The following SHROOM3 variants were observed in gnomAD, a reference collection of about 807,000 sequenced individuals.
The protein encoded by SHROOM3 is shroom family member 3.
Under a neutral mutation model 138.6 loss-of-function variants are expected in SHROOM3, and 47 were observed. That is an observed-to-expected ratio of 0.34 (90% CI 0.27 to 0.43). SHROOM3 has a LOEUF of 0.43. Among genes scored for constraint, SHROOM3 ranks in the 20% least tolerant of loss-of-function variants. The pLI is 1.00. For synonymous variants in SHROOM3, 1,062 were observed against 1,063.3 expected, an observed-to-expected ratio of 1.00 and a Z score of 0.02; for missense variants, 2,491 against 2,596.5, an observed-to-expected ratio of 0.96 and a Z score of 0.88.
chr4:76,650,047 T>C (rs1256830252), intron 2 of SHROOM3, among the ~76,000 whole-genome samples: 1 of 152,154 alleles, frequency 6.6e-6, no homozygotes, highest in Non-Finnish European at 1.5e-5. Context: ...TTTTCCTAGG[T>C]GGATGTGCTT....
chr4:76,440,658 T>C (rs573637222), intron 1 of SHROOM3, among the ~76,000 whole-genome samples: 38 of 152,276 alleles, frequency 2.5e-4, no homozygotes, highest in Non-Finnish European at 4.4e-4. Flanking sequence ...AGGCATTTCT[T>C]TGTGCTTTTC....
intron 1 of SHROOM3, among the ~76,000 whole-genome samples, chr4:76,530,126 A>G (rs1180665715): frequency 6.6e-6 from 1 of 152,190 alleles, no homozygotes; most frequent in East Asian, 1.9e-4. Flanking sequence ...TCTCATTTTT[A>G]ACATTGAAAA....
At chr4:76,533,346 C>T (rs1161715026) in intron 1 of SHROOM3, among the ~76,000 whole-genome samples, 1 of 152,144 alleles carries the variant, frequency 6.6e-6, no homozygotes, top group Non-Finnish European at 1.5e-5. Flanking sequence ...GCAAGACTAT[C>T]TGTAAAAGGA....
intron 2 of SHROOM3, among the ~76,000 whole-genome samples, chr4:76,586,712 C>T (rs1198010111): frequency 6.6e-6 from 1 of 152,110 alleles, no homozygotes; most frequent in Non-Finnish European, 1.5e-5. Flanking sequence ...TCTCAGGCAA[C>T]GGGCACTTTT....
In SHROOM3 at chr4:76,740,478, C is replaced by T. The variant is rs1721210507; in HGVS notation, c.2305C>T (p.Leu769Phe). Residue 769 changes from leucine (L) to phenylalanine (F), a missense_variant, in exon 5 of 11, where the codon CTT becomes TTT. Physicochemically the swap from Leu to Phe is conservative, Grantham distance 22. This residue lies in a region of SHROOM3 where 1,733 missense variants were observed against 1,661.6 expected (regional missense o/e 1.04). Coordinates refer to ENST00000296043, the MANE Select transcript of SHROOM3 (RefSeq NM_020859.4). The surrounding 1 kb of genome is among the most constrained non-coding windows in gnomAD (Gnocchi z 4.0). ...GCCCGGCCCAGGCAGCGCCTCGGCT[C>T]TTCAGGGCTTTCAGTACGGGAAGCC... The part of the protein sequence containing the change: ...RGPGPGSASA[L>F]QGFQYGKPHC... 3 of 1,612,752 alleles carry T rather than the reference C, an allele frequency of 1.9e-6. No individual in the cohort carries two copies.
At chr4:76,629,229 A>T (rs1735239654) in intron 2 of SHROOM3, among the ~76,000 whole-genome samples, 1 of 152,178 alleles carries the variant, frequency 6.6e-6, no homozygotes, top group South Asian at 2.1e-4. Context: ...AGCTATGGTG[A>T]CACCTAGTAA....
intron 1 of SHROOM3, among the ~76,000 whole-genome samples, chr4:76,451,538 G>A (rs1484060899): frequency 6.6e-6 from 1 of 152,148 alleles, no homozygotes; most frequent in Non-Finnish European, 1.5e-5. Context: ...GATGATGTGC[G>A]CTAGTGCCCT....
At chr4:76,643,354 T>C (rs1735730011) in intron 2 of SHROOM3, among the ~76,000 whole-genome samples, 1 of 152,154 alleles carries the variant, frequency 6.6e-6, no homozygotes, top group Non-Finnish European at 1.5e-5. Context: ...TGGCCCCACT[T>C]GACAGATAAA....
Position 76,741,669 on chromosome 4 carries a change from G to C in SHROOM3, c.3496G>C (p.Ala1166Pro). 7 of 1,550,232 alleles carry C rather than the reference G, an allele frequency of 4.5e-6. No homozygotes were observed. The highest frequency in any genetic ancestry group is 6.1e-6 in the Non-Finnish European group (7 of 1,151,294). The change falls in exon 5 of 11, where the codon GCT becomes CCT. Residue 1166 changes from alanine to proline, a missense_variant. Coordinates refer to ENST00000296043, the MANE Select transcript of SHROOM3 (RefSeq NM_020859.4). The surrounding 1 kb of genome is among the most constrained non-coding windows in gnomAD (Gnocchi z 6.2). ...LPATVAETQQ[A>P]PRDRSSSFAG... ...GGCCACAGTTGCAGAAACCCAGCAG[G>C]CTCCCCGAGATCGCAGCAGCTCCTT...
chr4:76,540,935 C>G (rs1212569229), intron 1 of SHROOM3, among the ~76,000 whole-genome samples: 1 of 152,124 alleles, frequency 6.6e-6, no homozygotes, highest in Non-Finnish European at 1.5e-5. Flanking sequence ...AACTATTGCC[C>G]TGTGAGCCCT....
At chr4:76,484,008 G>A (rs372375513) in intron 1 of SHROOM3, among the ~76,000 whole-genome samples, 133 of 152,102 alleles carry the variant, frequency 8.7e-4, no homozygotes, top group African/African-American at 2.9e-3. Flanking sequence ...GGGGGGCTAG[G>A]GGAGGGATAG....
chr4:76,498,158 G>T (rs1732008647), intron 1 of SHROOM3, among the ~76,000 whole-genome samples: 1 of 152,230 alleles, frequency 6.6e-6, no homozygotes, highest in African/African-American at 2.4e-5. Context: ...TATATGATCA[G>T]AGATAGGCTG....
rs191638826 is a variant in SHROOM3 at position 76,739,180 on chromosome 4, G to A, written c.1007G>A (p.Arg336Gln). Reference sequence around the variant, plus strand: ...CTGCTGCTTCAAGGTAGGGAGGCCCGAGCCTCAGCAAATGGTCAGGGCTAT... The same window carrying A: ...CTGCTGCTTCAAGGTAGGGAGGCCCAAGCCTCAGCAAATGGTCAGGGCTAT... The part of the protein sequence containing the change: ...SALLLQGREA[R>Q]ASANGQGYDK... The change falls in exon 5 of 11, where the codon CGA becomes CAA. Residue 336 changes from arginine (R) to glutamine (Q), a missense_variant. Coordinates refer to ENST00000296043, the MANE Select transcript of SHROOM3 (RefSeq NM_020859.4). The A allele has an allele frequency of 1.5e-5, 24 of 1,614,002 alleles. 2 individuals carry two copies. In the South Asian group the frequency reaches 1.9e-4, roughly 13 times the overall value.
At chr4:76,471,151 T>A (rs1431772545) in intron 1 of SHROOM3, among the ~76,000 whole-genome samples, 2 of 152,150 alleles carry the variant, frequency 1.3e-5, no homozygotes. Context: ...TACCTCTGAG[T>A]TACCCTTTGT....
At chr4:76,618,966 G>C (rs971106536) in intron 2 of SHROOM3, among the ~76,000 whole-genome samples, 1 of 152,154 alleles carries the variant, frequency 6.6e-6, no homozygotes, top group African/African-American at 2.4e-5. Flanking sequence ...TACTGCCTCA[G>C]CCTCCTGAGT....
At chr4:76,630,039 C>A (rs1735268600) in intron 2 of SHROOM3, among the ~76,000 whole-genome samples, 1 of 151,792 alleles carries the variant, frequency 6.6e-6, no homozygotes, top group Admixed American at 6.5e-5. Context: ...AGTCCTCTGG[C>A]CAAGTTGATC....
At chr4:76,608,584 G>GGA (rs1734677856) in intron 2 of SHROOM3, among the ~76,000 whole-genome samples, 12 of 150,362 alleles carry the variant, frequency 8.0e-5, no homozygotes, top group African/African-American at 2.7e-4. Flanking sequence ...GCATAGCATA[G>GGA]CATAGCATAG....
chr4:76,548,710 C>T (rs35974823), intron 1 of SHROOM3, among the ~76,000 whole-genome samples: 12,275 of 152,254 alleles, frequency 0.081, 614 homozygotes, highest in East Asian at 0.13. Flanking sequence ...AAAAAATCAA[C>T]GCCTCTTATG....
intron 2 of SHROOM3, among the ~76,000 whole-genome samples, chr4:76,614,851 C>T (rs1734839545): frequency 6.6e-6 from 1 of 152,168 alleles, no homozygotes; most frequent in Admixed American, 6.5e-5. Context: ...CAGATGCTGG[C>T]CTGGGGTCAG....
Sources: gnomAD v4.1 joint callset for allele counts (sites outside exome capture counted in the v4.1 genomes callset) on GRCh38, gnomAD v4.1.1 for gene constraint, gnomAD v4.1.1 regional missense constraint, Gnocchi (gnomAD v3.1) non-coding constraint, MANE v1.5 for transcripts, NCBI Gene and HGNC (gene_info 2026-07-23, HGNC 2026-07-21) for gene names.